DDB1: variants seen among roughly 807,000 people sequenced by gnomAD.
DDB1 encodes the protein DNA damage-binding protein 1.
In DDB1, 18 loss-of-function variants were observed where a neutral mutation model predicts 133.1. That is an observed-to-expected ratio of 0.14 (90% confidence interval 0.09 to 0.20). The LOEUF is 0.20. Among genes scored for constraint, DDB1 ranks in the 10% least tolerant of loss-of-function variants. The probability of loss-of-function intolerance (pLI) is 1.00; values close to 1 mark genes in which losing one functional copy is unlikely to be tolerated. For synonymous variants in DDB1, 580 were observed against 550.5 expected, an observed-to-expected ratio of 1.05 and a Z score of -0.75; for missense variants, 828 against 1,459.2, an observed-to-expected ratio of 0.57 and a Z score of 7.05.
intron 18 of DDB1, among the ~76,000 whole-genome samples, 142 bp downstream of exon 18, chr11:61,311,630 TACAGCTGCTTTC>T (rs1855973064): frequency 6.6e-6 from 1 of 152,218 alleles, no homozygotes; most frequent in Non-Finnish European, 1.5e-5. Context: ...ACCTGTTGCC[TACAGCTGCTTTC>T]AGGCTACGAT....
At position 61,325,592 on chromosome 11, in the gene DDB1, A is replaced by T. The variant is rs900719178; in HGVS notation, c.762+19T>A. The T allele has an allele frequency of 6.2e-7, 1 of 1,602,700 alleles. No homozygotes were observed. Among genetic ancestry groups the T allele is most frequent in the Non-Finnish European group, 8.5e-7 (1 of 1,171,876 alleles). ...AGGAAAGAAAAGATGAAAGGAAAAA[A>T]AGGTAGGACTGCGCTCACCTTGATG... On this transcript the variant is annotated intron_variant, in intron 6 of 26. Transcript: ENST00000301764.
intron 26 of DDB1, 143 bp from the exon 27 acceptor site, chr11:61,300,362 C>A: frequency 1.2e-6 from 1 of 800,076 alleles, no homozygotes; most frequent in East Asian, 2.7e-5. Context: ...CCACGCCTCC[C>A]CCTGGGTGGC....
At chr11:61,325,325 GAC>G (rs1046141905) in intron 6 of DDB1, among the ~76,000 whole-genome samples, 7 of 152,124 alleles carry the variant, frequency 4.6e-5, no homozygotes, top group African/African-American at 1.7e-4. Context: ...CAGCCTGAGC[GAC>G]AGAGTAAGAC....
Position 61,314,122 on chromosome 11 carries a change from G to A in DDB1, c.1678C>T (p.Leu560Phe). Reference protein sequence around the residue: ...NGLSPLCAIGLWTDISARILK... With the variant: ...NGLSPLCAIGFWTDISARILK... ...ATACGAGCCGAGATGTCCGTCCAGA[G>A]GCCAATGGCACAAAGAGGGGACAGT... The change falls in exon 14 of 27, where the codon CTC becomes TTC. Residue 560 changes from leucine (L) to phenylalanine (F), a missense_variant. This residue lies in a region of DDB1 where 396 missense variants were observed against 554.1 expected (regional missense o/e 0.71). Coordinates refer to ENST00000301764, the MANE Select transcript of DDB1 (RefSeq NM_001923.5). 1 of 1,614,168 alleles carries A rather than the reference G, an allele frequency of 6.2e-7. No individual in the cohort carries two copies. The highest frequency in any genetic ancestry group is 8.5e-7 in the Non-Finnish European group (1 of 1,180,018).
At chr11:61,304,347 A>G (rs1855849359) in intron 21 of DDB1, among the ~76,000 whole-genome samples, 1 of 152,216 alleles carries the variant, frequency 6.6e-6, no homozygotes, top group Non-Finnish European at 1.5e-5. Flanking sequence ...CTGTAATCCC[A>G]GCTACTCAGG....
chr11:61,308,088 T>C (rs1161106641), intron 21 of DDB1, among the ~76,000 whole-genome samples: 1 of 152,192 alleles, frequency 6.6e-6, no homozygotes, highest in Non-Finnish European at 1.5e-5. Flanking sequence ...GTTCAAACCC[T>C]TGCTCAAACC....
At position 61,324,143 on chromosome 11, in the gene DDB1, A is replaced by C. The variant is rs760260060; in HGVS notation, c.763-6T>G. 3.7e-6 allele frequency: 6 copies of C among 1,613,996 alleles called. No homozygotes were observed. In the South Asian group the frequency reaches 4.4e-5, roughly 12 times the overall value. ...TGGCACACAATCGTGCTTTGCTGCCAATTGGAAGGAAACAGTCATTAGAGA... is the reference window on the plus strand; with the variant it reads ...TGGCACACAATCGTGCTTTGCTGCCCATTGGAAGGAAACAGTCATTAGAGA... On this transcript the variant is annotated splice_polypyrimidine_tract_variant and splice_region_variant and intron_variant, in intron 6 of 26. Transcript: ENST00000301764.
At chr11:61,328,390 T>C (rs972564220) in intron 4 of DDB1, among the ~76,000 whole-genome samples, 7 of 152,236 alleles carry the variant, frequency 4.6e-5, no homozygotes, top group African/African-American at 1.7e-4. Context: ...CCATCACTTA[T>C]TCAGCCACAT....
chr11:61,323,957 G>A, intron 7 of DDB1, 22 bp downstream of exon 7: 12 of 1,613,848 alleles, frequency 7.4e-6, no homozygotes, highest in Non-Finnish European at 9.3e-6. Context: ...CATTGTAGAG[G>A]AACAGGGAGA....
chr11:61,317,124 G>GT (rs1336302173), intron 10 of DDB1, among the ~76,000 whole-genome samples: 6 of 150,616 alleles, frequency 4.0e-5, no homozygotes, highest in Non-Finnish European at 7.4e-5. Context: ...TTGTTTGCTT[G>GT]TTTTTTTTGA....
intron 25 of DDB1, 174 bp downstream of exon 25, chr11:61,302,083 A>T (rs1163026023): frequency 8.3e-6 from 5 of 600,476 alleles, no homozygotes. Flanking sequence ...ATACTGTTCT[A>T]TTGTGTATGT....
chr11:61,320,801 A>C (rs1280224119), intron 10 of DDB1, among the ~76,000 whole-genome samples: 1 of 152,030 alleles, frequency 6.6e-6, no homozygotes, highest in Non-Finnish European at 1.5e-5. Context: ...ATTTACTGAC[A>C]TGACAGCTAT....
intron 4 of DDB1, 158 bp downstream of exon 4, chr11:61,329,205 A>C: frequency 4.4e-6 from 3 of 676,632 alleles, no homozygotes; most frequent in South Asian, 1.8e-5. Flanking sequence ...AGAAGCAACG[A>C]AAGTCTGACC....
intron 21 of DDB1, among the ~76,000 whole-genome samples, chr11:61,304,670 C>T (rs1019197365): frequency 6.6e-6 from 1 of 151,742 alleles, no homozygotes; most frequent in East Asian, 1.9e-4. Context: ...GTCAGGAGAA[C>T]GAGACCATCC....
chr11:61,316,254 T>C (rs756371269), intron 12 of DDB1, 31 bp downstream of exon 12: 5 of 1,593,536 alleles, frequency 3.1e-6, no homozygotes, highest in Admixed American at 1.7e-5. Context: ...TTCAAGTATA[T>C]GGTAACACCT....
intron 8 of DDB1, 155 bp from the exon 9 acceptor site, chr11:61,322,567 G>A (rs1362674822): frequency 4.2e-5 from 27 of 641,354 alleles, no homozygotes; most frequent in Admixed American, 2.0e-4. Flanking sequence ...GACTATTGAC[G>A]AAAGAATATG....
At chr11:61,305,951 T>C (rs1393087074) in intron 21 of DDB1, among the ~76,000 whole-genome samples, 2 of 152,266 alleles carry the variant, frequency 1.3e-5, no homozygotes, top group Admixed American at 1.3e-4. Flanking sequence ...ATTTTTATAC[T>C]GATTACATGT....
intron 10 of DDB1, among the ~76,000 whole-genome samples, chr11:61,316,958 T>TAC (rs1856088047): frequency 1.2e-4 from 2 of 17,118 alleles, no homozygotes; most frequent in Non-Finnish European, 3.2e-4. Flanking sequence ...TATATATATA[T>TAC]ATATATATAT....
chr11:61,333,040 T>G lies in DDB1; in HGVS notation c.-72A>C, dbSNP rs550360727. ...AGAGGGACACAAGCGAAAAGACAGG[T>G]GGCCCCCAACAGCGCGCAGCGAACT... On this transcript the variant is annotated 5_prime_UTR_variant, in exon 1 of 27. Coordinates refer to ENST00000301764, the MANE Select transcript of DDB1 (RefSeq NM_001923.5). The G allele has an allele frequency of 6.5e-6, 9 of 1,380,838 alleles. No homozygotes were observed. In the East Asian group the frequency reaches 2.3e-4, roughly 35 times the overall value. The allele number at this position is 1,380,838 out of a possible 1,614,324, so 85.5% of individuals were successfully genotyped here. A position where few individuals can be genotyped will look rare whatever the true frequency, so the allele number is the denominator to read the frequency against.
Sources: allele counts gnomAD v4.1 joint callset (sites outside exome capture counted in the v4.1 genomes callset), GRCh38; gene constraint gnomAD v4.1.1; regional missense constraint gnomAD v4.1.1; transcripts MANE v1.5; gene names NCBI Gene and HGNC (gene_info 2026-07-23, HGNC 2026-07-21).